The following FGF14 variants were observed in gnomAD, a reference collection of about 807,000 sequenced individuals.
FGF14 encodes fibroblast growth factor homologous factor 4.
Under a neutral mutation model 25.5 loss-of-function variants are expected in FGF14, and 5 were observed. The ratio of observed to expected loss-of-function variants is 0.20; its 90% CI spans 0.10 to 0.41. FGF14 has a LOEUF of 0.41. FGF14 is among the 10% of genes least tolerant of loss of function. FGF14 has a pLI of 1.00. For synonymous variants in FGF14, 138 were observed against 118.3 expected (o/e 1.17, Z -1.08); for missense variants, 222 against 320.1 (o/e 0.69, Z 2.34).
intron 1 of FGF14, chr13:102,395,118 T>G (rs944530448): frequency 6.6e-6 from 1 of 152,264 alleles, no homozygotes; most frequent in Admixed American, 6.5e-5. Context: ...CTTTTCAAAC[T>G]GCCAAAGAGC....
intron 1 of FGF14, among the ~76,000 whole-genome samples, chr13:102,069,818 C>T (rs1255298074): frequency 6.6e-6 from 1 of 152,166 alleles, no homozygotes; most frequent in African/African-American, 2.4e-5. Flanking sequence ...AGACCAAGAA[C>T]CCACCAATTC....
At chr13:102,205,014 T>C (rs1005345318) in intron 1 of FGF14, among the ~76,000 whole-genome samples, 1 of 152,192 alleles carries the variant, frequency 6.6e-6, no homozygotes, top group Non-Finnish European at 1.5e-5. Context: ...AAACTGGCAA[T>C]CAGAGTATAT....
intron 1 of FGF14, among the ~76,000 whole-genome samples, chr13:101,972,151 T>C (rs1244190294): frequency 6.6e-6 from 1 of 152,340 alleles, no homozygotes; most frequent in South Asian, 2.1e-4. Flanking sequence ...GAATGAAAGA[T>C]TACATGCTTT....
intron 1 of FGF14, among the ~76,000 whole-genome samples, chr13:101,957,897 GA>G (rs996811089): frequency 6.0e-5 from 9 of 149,978 alleles, no homozygotes; most frequent in African/African-American, 1.7e-4. Context: ...ACTATGACAA[GA>G]AAAAAAAATT....
At chr13:101,922,581 G>A (rs2034076434) in intron 1 of FGF14, among the ~76,000 whole-genome samples, 1 of 151,966 alleles carries the variant, frequency 6.6e-6, no homozygotes, top group Non-Finnish European at 1.5e-5. Flanking sequence ...ATCTAATCAT[G>A]TAATCCATTA....
At chr13:101,740,541 T>C (rs1008475763) in intron 3 of FGF14, among the ~76,000 whole-genome samples, 1 of 152,174 alleles carries the variant, frequency 6.6e-6, no homozygotes, top group Non-Finnish European at 1.5e-5. Flanking sequence ...TAATTGTATA[T>C]GGCAGCTGAG....
At chr13:101,969,117 C>G (rs1036888662) in intron 1 of FGF14, among the ~76,000 whole-genome samples, 1 of 152,174 alleles carries the variant, frequency 6.6e-6, no homozygotes, top group Admixed American at 6.5e-5. Context: ...TGGAGTCATG[C>G]TTAGATCCAC....
chr13:101,884,868 TACACACAC>T (rs760286958), intron 1 of FGF14, among the ~76,000 whole-genome samples: 7 of 73,182 alleles, frequency 9.6e-5, no homozygotes, highest in African/African-American at 1.1e-4. Context: ...GACACATACA[TACACACAC>T]ACACACACAC....
chr13:101,940,781 G>C (rs971139722), intron 1 of FGF14, among the ~76,000 whole-genome samples: 24 of 152,154 alleles, frequency 1.6e-4, no homozygotes, highest in Admixed American at 1.2e-3. Flanking sequence ...CATGAGATCA[G>C]GGGTCCCTTA....
At chr13:101,979,209 A>G (rs2038107693) in intron 1 of FGF14, among the ~76,000 whole-genome samples, 1 of 152,232 alleles carries the variant, frequency 6.6e-6, no homozygotes, top group South Asian at 2.1e-4. Context: ...ATAAAAATGG[A>G]GAAATGAATA....
chr13:102,068,136 C>A (rs538290681), intron 1 of FGF14, among the ~76,000 whole-genome samples: 3 of 152,298 alleles, frequency 2.0e-5, no homozygotes, highest in Admixed American at 2.0e-4. Flanking sequence ...CAATCTCAGA[C>A]CTGTCCTATA....
chr13:102,127,109 T>A (rs975484524), intron 1 of FGF14, among the ~76,000 whole-genome samples: 1 of 152,090 alleles, frequency 6.6e-6, no homozygotes, highest in African/African-American at 2.4e-5. Flanking sequence ...ATATTATATA[T>A]ATATACATAT....
At chr13:102,078,320 TATTA>T (rs1484977938) in intron 1 of FGF14, among the ~76,000 whole-genome samples, 1 of 152,232 alleles carries the variant, frequency 6.6e-6, no homozygotes, top group African/African-American at 2.4e-5. Context: ...GTGATGCAGA[TATTA>T]ATTAGCTTGA....
Position 101,714,588 on chromosome 13 carries a change from A to C in FGF14, c.*8243T>G. 6 of 1,202,706 alleles carry C rather than the reference A, an allele frequency of 5.0e-6. No homozygotes were observed. Among genetic ancestry groups the C allele is most frequent in the Non-Finnish European group, 7.5e-6 (6 of 805,290 alleles). The allele number at this position is 1,202,706 out of a possible 1,614,324, so 74.5% of individuals were successfully genotyped here. A position where few individuals can be genotyped will look rare whatever the true frequency, so the allele number is the denominator to read the frequency against. On this transcript the variant is annotated 3_prime_UTR_variant, in exon 5 of 5. Coordinates refer to ENST00000376143, the MANE Select transcript of FGF14 (RefSeq NM_004115.4). The stretch of plus-strand genomic sequence containing the variant: ...ACCTTTTCTAATTGCTCTATGCCAC[A>C]GTTTGTTATAGAGCCAAGAGACACT...
chr13:101,940,117 C>T lies in FGF14; in HGVS notation c.209-64821G>A, dbSNP rs117976231. 4.0e-3 allele frequency among the ~76,000 whole-genome samples: 614 copies of T among 152,338 alleles called. 1 individual carries two copies. Among genetic ancestry groups the T allele is most frequent in the East Asian group, 0.032 (166 of 5,168 alleles). ...GGACTTATCTTGAATGATCTGGCTT[C>T]AAGTCCTTCTAAGCAGTAAATCCCT... On this transcript the variant is annotated intron_variant, in intron 1 of 4. Transcript: ENST00000376131.
chr13:102,008,562 T>C (rs2039922188), intron 1 of FGF14, among the ~76,000 whole-genome samples: 1 of 152,230 alleles, frequency 6.6e-6, no homozygotes, highest in Non-Finnish European at 1.5e-5. Context: ...TAATGTAATG[T>C]AATTCCATTG....
intron 3 of FGF14, among the ~76,000 whole-genome samples, chr13:101,834,456 T>G (rs1302061231): frequency 6.6e-6 from 1 of 152,082 alleles, no homozygotes; most frequent in African/African-American, 2.4e-5. Context: ...TTTTACTTAA[T>G]TCAGCAGTTT....
chr13:101,763,363 T>C (rs758879049), intron 3 of FGF14, among the ~76,000 whole-genome samples: 3 of 152,210 alleles, frequency 2.0e-5, no homozygotes, highest in Non-Finnish European at 4.4e-5. Context: ...ACTGTCAATA[T>C]GTAATGTACT....
Position 101,910,014 on chromosome 13 carries a change from G to A in FGF14, c.193+6439C>T, listed in dbSNP as rs1030703417. On this transcript the variant is annotated intron_variant, in intron 1 of 4. Coordinates refer to ENST00000376143, the MANE Select transcript of FGF14 (RefSeq NM_004115.4). ...AGGACAAAAAAACCAAACACCGCAC[G>A]TTCTCACTCATAGGTGGGAATTGAA... 1.2e-4 allele frequency among the ~76,000 whole-genome samples: 18 copies of A among 151,406 alleles called. 1 individual carries two copies. In the South Asian group the frequency reaches 1.3e-3, roughly 11 times the overall value.
Sources: allele counts gnomAD v4.1 joint callset (sites outside exome capture counted in the v4.1 genomes callset), GRCh38; gene constraint gnomAD v4.1.1; transcripts MANE v1.5; gene names NCBI Gene and HGNC (gene_info 2026-07-23, HGNC 2026-07-21).